ANKFN1: variants seen among roughly 807,000 people sequenced by gnomAD.
The protein encoded by ANKFN1 is ankyrin repeat and fibronectin type III domain containing 1.
In ANKFN1, 74 loss-of-function variants were observed where a neutral mutation model predicts 108.7. The observed-to-expected ratio is 0.68, with a 90% CI of 0.56 to 0.83. ANKFN1 has a LOEUF of 0.83. Ranked by LOEUF, ANKFN1 falls within the 40% of genes least tolerant of loss-of-function variation. The probability of loss-of-function intolerance (pLI) is 0.00; values close to 1 mark genes in which losing one functional copy is unlikely to be tolerated. For missense variants in ANKFN1, 1,505 were observed against 1,382.3 expected (o/e 1.09, Z -1.41); for synonymous variants, 547 against 516.2 (o/e 1.06, Z -0.81).
intron 1 of ANKFN1, among the ~76,000 whole-genome samples, chr17:56,205,747 G>A (rs1425703556): frequency 3.3e-5 from 5 of 152,006 alleles, no homozygotes; most frequent in Non-Finnish European, 4.4e-5. Flanking sequence ...TCTATAGAGT[G>A]TTAAAATTTC....
At chr17:56,138,701 G>T (rs1050320599) in intron 4 of ANKFN1, among the ~76,000 whole-genome samples, 4 of 151,842 alleles carry the variant, frequency 2.6e-5, no homozygotes, top group African/African-American at 9.7e-5. Flanking sequence ...GTTAGAGACG[G>T]GGTTTCATCA....
intron 8 of ANKFN1, among the ~76,000 whole-genome samples, chr17:56,382,491 A>C (rs573456080): frequency 6.6e-6 from 1 of 152,186 alleles, no homozygotes; most frequent in Non-Finnish European, 1.5e-5. Context: ...ATTAACTTTA[A>C]ATGTAAATGG....
chr17:56,231,480 C>T (rs765148334), intron 3 of ANKFN1, among the ~76,000 whole-genome samples: 6 of 152,134 alleles, frequency 3.9e-5, no homozygotes, highest in Non-Finnish European at 7.4e-5. Flanking sequence ...GGTTTGCAGA[C>T]TTTTGTTTGC....
intron 3 of ANKFN1, among the ~76,000 whole-genome samples, chr17:56,284,476 T>A (rs1239324915): frequency 6.6e-6 from 1 of 152,224 alleles, no homozygotes; most frequent in Non-Finnish European, 1.5e-5. Flanking sequence ...CTATCAGGGC[T>A]AATGATTTCC....
chr17:56,402,990 T>C (rs2047808721), intron 8 of ANKFN1, among the ~76,000 whole-genome samples: 2 of 152,182 alleles, frequency 1.3e-5, no homozygotes, highest in South Asian at 4.1e-4. Flanking sequence ...GTATTTGCCA[T>C]GTATTTGCAT....
chr17:56,359,608 A>G (rs1029532602), intron 6 of ANKFN1, among the ~76,000 whole-genome samples: 1 of 152,136 alleles, frequency 6.6e-6, no homozygotes, highest in Admixed American at 6.5e-5. Context: ...TACTTCATAA[A>G]ATGCAATTAC....
At chr17:56,173,113 T>C (rs1416306903) in intron 1 of ANKFN1, among the ~76,000 whole-genome samples, 1 of 152,202 alleles carries the variant, frequency 6.6e-6, no homozygotes, top group Non-Finnish European at 1.5e-5. Flanking sequence ...ATCAACTAGC[T>C]CCAATAATTG....
intron 4 of ANKFN1, among the ~76,000 whole-genome samples, chr17:56,087,996 A>G (rs9902134): frequency 0.047 from 7,129 of 150,928 alleles, 734 homozygotes; most frequent in African/African-American, 0.16. Context: ...GTGTGTGTAC[A>G]TTTTACTGAG....
chr17:56,188,581 G>GTGTGTGTGTATATATATATATA (rs1212242378), intron 1 of ANKFN1, among the ~76,000 whole-genome samples: 4 of 49,662 alleles, frequency 8.1e-5, no homozygotes, highest in Admixed American at 5.6e-4. Context: ...GTGTGTGTGT[G>GTGTGTGTGTATATATATATATA]TATATATATA....
chr17:56,331,113 T>C (rs144802318), intron 4 of ANKFN1, among the ~76,000 whole-genome samples: 3 of 152,284 alleles, frequency 2.0e-5, no homozygotes, highest in Non-Finnish European at 4.4e-5. Flanking sequence ...GGTCCCCTAG[T>C]TCACATCACA....
intron 3 of ANKFN1, chr17:56,228,189 G>C (rs741126): frequency 0.2 from 88,307 of 438,996 alleles, 9,118 homozygotes; most frequent in African/African-American, 0.25. Flanking sequence ...ACGTCTAAAG[G>C]TAGATAAAAG....
At chr17:56,250,940 T>C (rs2043219186) in intron 3 of ANKFN1, among the ~76,000 whole-genome samples, 7 of 152,208 alleles carry the variant, frequency 4.6e-5, no homozygotes. Context: ...CCAGATATAA[T>C]CTCGTTAACA....
chr17:56,310,465 A>G (rs892337818), intron 3 of ANKFN1, among the ~76,000 whole-genome samples: 1 of 152,014 alleles, frequency 6.6e-6, no homozygotes, highest in Non-Finnish European at 1.5e-5. Flanking sequence ...AAAATACAAA[A>G]AATTAGCCAG....
intron 8 of ANKFN1, among the ~76,000 whole-genome samples, chr17:56,384,079 A>G (rs1477467585): frequency 2.0e-5 from 3 of 152,292 alleles, no homozygotes; most frequent in African/African-American, 4.8e-5. Flanking sequence ...AAAATCCTCA[A>G]TAAAATACTG....
intron 4 of ANKFN1, among the ~76,000 whole-genome samples, chr17:56,060,177 A>G (rs549764492): frequency 2.5e-4 from 38 of 151,990 alleles, no homozygotes; most frequent in Middle Eastern, 6.3e-3. Flanking sequence ...TAGGTATTTT[A>G]TTCTTTTTGT....
At position 56,251,542 on chromosome 17, in the gene ANKFN1, CT is replaced by C. The variant is rs570302043; in HGVS notation, c.53+23589del. Among the ~76,000 whole-genome samples the C allele has an allele frequency of 6.6e-5, 10 of 152,276 alleles. No homozygotes were observed. The East Asian group carries it at 1.9e-3, about 29-fold the overall frequency. ...TTAATTGCACATAGATCAGGAGAGA[CT>C]TTTGTGAAGCAGCTAGCAGAGTATG... On this transcript the variant is annotated intron_variant, in intron 3 of 20. Transcript: ENST00000682825.
chr17:56,101,722 C>T (rs774923817), intron 4 of ANKFN1, among the ~76,000 whole-genome samples: 16 of 151,984 alleles, frequency 1.1e-4, no homozygotes, highest in African/African-American at 2.9e-4. Flanking sequence ...GCTGAGGGAC[C>T]GGGTATTGGC....
At chr17:56,500,691 C>G (rs917934144) in intron 20 of ANKFN1, among the ~76,000 whole-genome samples, 19 of 152,156 alleles carry the variant, frequency 1.2e-4, no homozygotes, top group African/African-American at 4.3e-4. Flanking sequence ...GATTGTACAA[C>G]TGTTTGTAGT....
intron 4 of ANKFN1, among the ~76,000 whole-genome samples, chr17:56,047,889 A>G (rs1296464399): frequency 2.6e-5 from 4 of 152,192 alleles, no homozygotes; most frequent in African/African-American, 7.2e-5. Flanking sequence ...ATAGGGCAAT[A>G]TGAATAATCT....
Sources: allele counts gnomAD v4.1 joint callset (sites outside exome capture counted in the v4.1 genomes callset), GRCh38; gene constraint gnomAD v4.1.1; transcripts MANE v1.5; gene names NCBI Gene and HGNC (gene_info 2026-07-23, HGNC 2026-07-21).